SLC13A4: variants seen among roughly 807,000 people sequenced by gnomAD.
SLC13A4 encodes the protein solute carrier family 13 member 4.
Under a neutral mutation model 72.7 loss-of-function variants are expected in SLC13A4, and 28 were observed. The ratio of observed to expected loss-of-function variants is 0.39; its 90% CI spans 0.29 to 0.53. The LOEUF (loss-of-function observed/expected upper bound fraction) is 0.53, where lower values mean the gene tolerates loss of function less well. Among genes scored for constraint, SLC13A4 ranks in the 20% least tolerant of loss-of-function variants. The pLI is 0.78. For synonymous variants in SLC13A4, 312 were observed against 325.5 expected (o/e 0.96, Z 0.45); for missense variants, 653 against 788.0 (o/e 0.83, Z 2.05).
chr7:135,715,119 A>G (rs1048558629), intron 2 of SLC13A4, among the ~76,000 whole-genome samples: 2 of 149,210 alleles, frequency 1.3e-5, no homozygotes, highest in African/African-American at 4.9e-5. Context: ...GTATGAGTTT[A>G]TGTGTGTATG....
intron 8 of SLC13A4, among the ~76,000 whole-genome samples, chr7:135,696,719 C>T (rs1795912978): frequency 6.6e-6 from 1 of 152,164 alleles, no homozygotes; most frequent in African/African-American, 2.4e-5. Flanking sequence ...CATTTTCTCA[C>T]CTCTACCTTA....
chr7:135,708,786 G>C (rs192334836), intron 2 of SLC13A4, among the ~76,000 whole-genome samples: 16 of 151,564 alleles, frequency 1.1e-4, no homozygotes, highest in African/African-American at 3.9e-4. Context: ...AATACTTATA[G>C]TTTCTTCCAT....
chr7:135,699,019 T>C (rs1304972832), intron 8 of SLC13A4, among the ~76,000 whole-genome samples: 1 of 152,096 alleles, frequency 6.6e-6, no homozygotes, highest in Non-Finnish European at 1.5e-5. Context: ...TGGCTCACCG[T>C]AACCTCAAAT....
At chr7:135,692,488 G>A (rs952431781) in intron 10 of SLC13A4, 64 bp from the exon 11 acceptor site, 3 of 1,098,660 alleles carry the variant, frequency 2.7e-6, no homozygotes, top group African/African-American at 3.2e-5. Context: ...TTTTCACTTT[G>A]CTTCTGGAAG....
chr7:135,718,088 C>CACACACACACACACACGTGT (rs754511549), intron 2 of SLC13A4, among the ~76,000 whole-genome samples: 1 of 149,560 alleles, frequency 6.7e-6, no homozygotes, highest in African/African-American at 2.5e-5. Flanking sequence ...CACACACACA[C>CACACACACACACACACGTGT]GCGCGCGCGC....
chr7:135,702,775 G>T, intron 6 of SLC13A4, 70 bp downstream of exon 6: 1 of 1,284,794 alleles, frequency 7.8e-7, no homozygotes, highest in Non-Finnish European at 1.1e-6. Context: ...TCTGAATCTT[G>T]GGTTTCCATG....
intron 15 of SLC13A4, among the ~76,000 whole-genome samples, chr7:135,682,664 G>GA (rs1175097467): frequency 3.9e-5 from 6 of 152,324 alleles, no homozygotes; most frequent in Admixed American, 3.9e-4. Context: ...AGTTGAAAGG[G>GA]ACCCCATGGA....
chr7:135,709,822 C>T (rs1796256405), intron 2 of SLC13A4, among the ~76,000 whole-genome samples: 1 of 152,176 alleles, frequency 6.6e-6, no homozygotes, highest in African/African-American at 2.4e-5. Flanking sequence ...TCCTCCTGGG[C>T]ACCATTAATT....
intron 2 of SLC13A4, among the ~76,000 whole-genome samples, chr7:135,719,403 T>G (rs1415475394): frequency 1.3e-5 from 2 of 152,214 alleles, no homozygotes; most frequent in Non-Finnish European, 2.9e-5. Context: ...TTTAAAAGGT[T>G]ATTTAGGATT....
chr7:135,716,202 A>G (rs537160078), intron 2 of SLC13A4, among the ~76,000 whole-genome samples: 2 of 151,792 alleles, frequency 1.3e-5, no homozygotes, highest in South Asian at 2.1e-4. Context: ...TTCATTCCTC[A>G]TGTGACTCAG....
chr7:135,702,731 T>G, intron 6 of SLC13A4, 114 bp downstream of exon 6: 1 of 874,738 alleles, frequency 1.1e-6, no homozygotes, highest in Non-Finnish European at 1.9e-6. Context: ...TGAAAGGAAC[T>G]CTAAGGTGGA....
Position 135,715,380 on chromosome 7 carries a change from A to T in SLC13A4, c.228+6015T>A, listed in dbSNP as rs76680978. 7.1e-4 allele frequency among the ~76,000 whole-genome samples: 105 copies of T among 148,906 alleles called. 1 individual carries two copies. The highest frequency in any genetic ancestry group is 6.0e-3 in the East Asian group (30 of 5,014). On this transcript the variant is annotated intron_variant, in intron 2 of 15. Transcript: ENST00000682651. ...ATGAGTGTATGTGTATGAGTGTGTG[A>T]GTGTGTATGTGTGAACATGTGTGTA...
intron 2 of SLC13A4, among the ~76,000 whole-genome samples, chr7:135,720,942 G>C (rs1584742146): frequency 6.6e-6 from 1 of 152,214 alleles, no homozygotes; most frequent in South Asian, 2.1e-4. Flanking sequence ...CAGGGAAATA[G>C]GGTAAGTCTC....
intron 2 of SLC13A4, among the ~76,000 whole-genome samples, chr7:135,710,289 G>A (rs1233553834): frequency 1.3e-5 from 2 of 152,190 alleles, no homozygotes; most frequent in African/African-American, 4.8e-5. Context: ...GGTAGAAGGC[G>A]AAGTGGGGGA....
chr7:135,710,336 C>T (rs111368575), intron 2 of SLC13A4, among the ~76,000 whole-genome samples: 1,614 of 152,268 alleles, frequency 0.011, 46 homozygotes, highest in East Asian at 0.1. Context: ...GCAGAGCTTG[C>T]AGTAAGCCGA....
In SLC13A4 at chr7:135,691,856, A is replaced by G. The variant is rs138395875; in HGVS notation, c.1224-211T>C. The G allele has an allele frequency of 8.5e-3, 4,416 of 517,646 alleles. 43 individuals carry two copies. Among genetic ancestry groups the G allele is most frequent in the Middle Eastern group, 0.026 (51 of 1,938 alleles). The allele number at this position is 517,646 out of a possible 1,614,324, so 32.1% of individuals were successfully genotyped here. A position where few individuals can be genotyped will look rare whatever the true frequency, so the allele number is the denominator to read the frequency against. ...TCTGGAGGCAGGGCCTGGCTAGAGT[A>G]GATGTCTTAATGTGAATTTGTGAGC... On this transcript the variant is annotated intron_variant, in intron 11 of 15. Coordinates refer to ENST00000682651, the MANE Select transcript of SLC13A4 (RefSeq NM_001318192.2).
chr7:135,724,751 G>T (rs1796619241), intron 1 of SLC13A4, among the ~76,000 whole-genome samples: 1 of 152,136 alleles, frequency 6.6e-6, no homozygotes, highest in Non-Finnish European at 1.5e-5. Flanking sequence ...TAGAGTAGAA[G>T]AATGGACAAG....
Position 135,725,079 on chromosome 7 carries a change from G to A in SLC13A4, c.99+2319C>T, listed in dbSNP as rs530725763. ...ACAACACCACTGGTTCCTTATAATA[G>A]CAGGTATGTGGGGGTTGGGCATTGG... On this transcript the variant is annotated intron_variant, in intron 1 of 15. Coordinates refer to ENST00000682651, the MANE Select transcript of SLC13A4 (RefSeq NM_001318192.2). Among the ~76,000 whole-genome samples the A allele has an allele frequency of 1.8e-3, 273 of 152,312 alleles. 1 individual carries two copies. The highest frequency in any genetic ancestry group is 5.9e-3 in the African/African-American group (247 of 41,566).
intron 1 of SLC13A4, among the ~76,000 whole-genome samples, chr7:135,724,704 A>C (rs141571413): frequency 1.6e-4 from 25 of 152,320 alleles, no homozygotes; most frequent in East Asian, 5.8e-4. Context: ...TATTAAGGAC[A>C]GGATTAATTA....
Sources: allele counts gnomAD v4.1 joint callset (sites outside exome capture counted in the v4.1 genomes callset), GRCh38; gene constraint gnomAD v4.1.1; transcripts MANE v1.5; gene names NCBI Gene and HGNC (gene_info 2026-07-23, HGNC 2026-07-21).